The following ABLIM2 variants were observed in gnomAD, a reference collection of about 807,000 sequenced individuals.
ABLIM2 encodes the protein actin binding LIM protein family member 2.
In ABLIM2, 53 loss-of-function variants were observed where a neutral mutation model predicts 97.7. The ratio of observed to expected loss-of-function variants is 0.54; its 90% CI spans 0.44 to 0.68. The LOEUF (loss-of-function observed/expected upper bound fraction) is 0.68. Ranked by LOEUF, ABLIM2 falls within the 30% of genes least tolerant of loss-of-function variation. The pLI is 0.00. For missense variants in ABLIM2, 835 were observed against 867.2 expected, an observed-to-expected ratio of 0.96 and a Z score of 0.47; for synonymous variants, 361 against 345.8, an observed-to-expected ratio of 1.04 and a Z score of -0.49.
At chr4:8,134,549 C>T (rs1849917080) in intron 1 of ABLIM2, among the ~76,000 whole-genome samples, 4 of 152,210 alleles carry the variant, frequency 2.6e-5, no homozygotes, top group Admixed American at 1.3e-4. Context: ...GCCCCGTCTG[C>T]CTCCTGAATC....
Position 8,006,932 on chromosome 4 carries a change from C to G in ABLIM2, c.1618+1127G>C, listed in dbSNP as rs925972735. ...CAGCCTTGTGCCTGAATGCTGGGAT[C>G]CTGGTATTTACAAAGCTGCACCCCA... On this transcript the variant is annotated intron_variant, in intron 16 of 20. Transcript: ENST00000447017. The G allele has an allele frequency of 3.2e-5, 24 of 741,710 alleles. No homozygotes were observed. The Admixed American group carries it at 1.5e-3, about 46-fold the overall frequency. The allele number at this position is 741,710 out of a possible 1,614,324, so 45.9% of individuals were successfully genotyped here. A position where few individuals can be genotyped will look rare whatever the true frequency, so the allele number is the denominator to read the frequency against.
intron 6 of ABLIM2, among the ~76,000 whole-genome samples, chr4:8,074,439 A>T (rs923998186): frequency 5.3e-5 from 8 of 152,188 alleles, no homozygotes; most frequent in African/African-American, 1.9e-4. Flanking sequence ...GTGACAGAGC[A>T]AGACCCCATC....
intron 1 of ABLIM2, among the ~76,000 whole-genome samples, chr4:8,146,885 T>C (rs1029001445): frequency 1.3e-5 from 2 of 151,774 alleles, no homozygotes; most frequent in African/African-American, 4.9e-5. Context: ...TCAAGAAATA[T>C]AATGCACATA....
At chr4:7,994,006 G>A (rs1191306058) in intron 16 of ABLIM2, 4 of 485,236 alleles carry the variant, frequency 8.2e-6, no homozygotes, top group Non-Finnish European at 1.2e-5. Flanking sequence ...GAGGTGGTGT[G>A]GTTGCATTCT....
At chr4:8,096,979 G>T in intron 3 of ABLIM2, 120 bp downstream of exon 3, 1 of 1,252,174 alleles carries the variant, frequency 8.0e-7, no homozygotes, top group Middle Eastern at 2.2e-4. Context: ...GAACAGCCTC[G>T]CTGCAGGATG....
intron 1 of ABLIM2, among the ~76,000 whole-genome samples, chr4:8,152,036 T>G (rs1359608477): frequency 6.6e-6 from 1 of 152,048 alleles, no homozygotes; most frequent in Non-Finnish European, 1.5e-5. Context: ...CCTGGCTCTG[T>G]GCTGGCAGGT....
At position 7,981,454 on chromosome 4, in the gene ABLIM2, C is replaced by T. The variant is rs532523484; in HGVS notation, c.1824+1810G>A. 7.2e-5 allele frequency among the ~76,000 whole-genome samples: 11 copies of T among 152,278 alleles called. No homozygotes were observed. In the South Asian group the frequency reaches 1.7e-3, roughly 23 times the overall value. Reference sequence around the variant, plus strand: ...CTTCTATCTTCCGGAAACATATAAACCAAGCTGTAACCCAACCACCGTGGG... The same window carrying T: ...CTTCTATCTTCCGGAAACATATAAATCAAGCTGTAACCCAACCACCGTGGG... On this transcript the variant is annotated intron_variant, in intron 20 of 20. Coordinates refer to ENST00000447017, the MANE Select transcript of ABLIM2 (RefSeq NM_001130083.2).
chr4:8,022,423 A>T lies in ABLIM2; in HGVS notation c.1268-2120T>A, dbSNP rs1456045383. On this transcript the variant is annotated intron_variant, in intron 12 of 20. Transcript: ENST00000447017. This position sits in a 1 kb window ranked among gnomAD's most constrained non-coding sequence, Gnocchi z 7.8. ...ACGTCTATTTGAGGAGGGTCCGGAG[A>T]CTCATCAGCTTTCATCAGATACTTG... Among the ~76,000 whole-genome samples, 1 of 151,948 alleles carries T rather than the reference A, an allele frequency of 6.6e-6. No individual in the cohort carries two copies. Among genetic ancestry groups the T allele is most frequent in the Non-Finnish European group, 1.5e-5 (1 of 67,984 alleles).
intron 3 of ABLIM2, among the ~76,000 whole-genome samples, chr4:8,094,130 A>T (rs1036975028): frequency 1.3e-5 from 2 of 152,070 alleles, no homozygotes; most frequent in Admixed American, 1.3e-4. Context: ...GAGATTTTCC[A>T]CTTCGGCCAT....
chr4:8,141,289 T>C (rs1183652112), intron 1 of ABLIM2, among the ~76,000 whole-genome samples: 2 of 152,070 alleles, frequency 1.3e-5, no homozygotes, highest in Middle Eastern at 3.4e-3. Flanking sequence ...ACAAAAGCTA[T>C]AATCTTATGG....
rs1159630757 is a variant in ABLIM2, at chr4:8,149,706, A to G, written c.10+8974T>C. On this transcript the variant is annotated intron_variant, in intron 1 of 20. Coordinates refer to ENST00000447017, the MANE Select transcript of ABLIM2 (RefSeq NM_001130083.2). The surrounding 1 kb of genome is among the most constrained non-coding windows in gnomAD (Gnocchi z 6.4). Reference sequence around the variant, plus strand: ...GCTTAATAAATAGTCGTGGAGGGACAGAAGGGACATTCTGGAAGAGCTCTG... The same window carrying G: ...GCTTAATAAATAGTCGTGGAGGGACGGAAGGGACATTCTGGAAGAGCTCTG... Among the ~76,000 whole-genome samples the G allele has an allele frequency of 6.6e-6, 1 of 152,028 alleles. No individual in the cohort carries two copies. The highest frequency in any genetic ancestry group is 1.5e-5 in the Non-Finnish European group (1 of 68,006).
chr4:8,040,801 T>C (rs1787921590), intron 9 of ABLIM2, among the ~76,000 whole-genome samples: 1 of 152,120 alleles, frequency 6.6e-6, no homozygotes, highest in Non-Finnish European at 1.5e-5. Flanking sequence ...CTGGGAGGGC[T>C]GGGATGCAGC....
intron 6 of ABLIM2, among the ~76,000 whole-genome samples, chr4:8,070,371 T>C (rs1183600430): frequency 6.6e-6 from 1 of 152,036 alleles, no homozygotes; most frequent in Non-Finnish European, 1.5e-5. Context: ...AGTAGTTAGC[T>C]GTGGGGGTGG....
At chr4:8,030,217 A>G (rs980525998) in intron 10 of ABLIM2, among the ~76,000 whole-genome samples, 1 of 152,112 alleles carries the variant, frequency 6.6e-6, no homozygotes, top group African/African-American at 2.4e-5. Context: ...GCACATTTGG[A>G]GGTAGAAAGT....
At chr4:8,086,519 T>C (rs1313744421) in intron 4 of ABLIM2, among the ~76,000 whole-genome samples, 1 of 152,092 alleles carries the variant, frequency 6.6e-6, no homozygotes, top group Non-Finnish European at 1.5e-5. Flanking sequence ...GGCTAATTTT[T>C]GTACTTTTAT....
chr4:8,020,567 C>A (rs78865789), intron 12 of ABLIM2: 1 of 568,066 alleles, frequency 1.8e-6, no homozygotes, highest in Non-Finnish European at 3.2e-6. Context: ...GAGGGCTGGG[C>A]GGTGAACTAA....
intron 12 of ABLIM2, among the ~76,000 whole-genome samples, chr4:8,025,632 G>A (rs144079864): frequency 2.2e-4 from 34 of 152,310 alleles, no homozygotes; most frequent in Non-Finnish European, 3.7e-4. Flanking sequence ...CACTCAGGAC[G>A]GGGCAGAGGA....
chr4:7,998,625 GT>G lies in ABLIM2; in HGVS notation c.1619-5699del. The stretch of plus-strand genomic sequence containing the variant: ...CTGCTGGCCACCTGCCCATCTGCTA[GT>G]GTGGCTGCAGGAGGAAAACACCTGC... On this transcript the variant is annotated intron_variant, in intron 16 of 20. Transcript: ENST00000447017. The surrounding 1 kb of genome is among the most constrained non-coding windows in gnomAD (Gnocchi z 6.4). 2.0e-6 allele frequency: 1 copy of G among 505,178 alleles called. No individual in the cohort carries two copies. The highest frequency in any genetic ancestry group is 1.9e-5 in the African/African-American group (1 of 51,770). 31.3% of individuals were successfully genotyped at this position (505,178 alleles called of 1,614,324 possible).
chr4:8,126,133 C>T (rs1847793944), intron 1 of ABLIM2, among the ~76,000 whole-genome samples: 1 of 152,194 alleles, frequency 6.6e-6, no homozygotes, highest in African/African-American at 2.4e-5. Context: ...CAGTAACATT[C>T]CACGGAGTTT....
Sources: gnomAD v4.1 joint callset for allele counts (sites outside exome capture counted in the v4.1 genomes callset) on GRCh38, gnomAD v4.1.1 for gene constraint, Gnocchi (gnomAD v3.1) non-coding constraint, MANE v1.5 for transcripts, NCBI Gene and HGNC (gene_info 2026-07-23, HGNC 2026-07-21) for gene names.